The following EFCAB6 variants were observed in gnomAD, a reference collection of about 807,000 sequenced individuals.
The protein encoded by EFCAB6 is EF-hand calcium binding domain 6.
Under a neutral mutation model 169.8 loss-of-function variants are expected in EFCAB6, and 156 were observed. The observed-to-expected ratio is 0.92, with a 90% CI of 0.81 to 1.05. The LOEUF (loss-of-function observed/expected upper bound fraction) is 1.05, where lower values mean the gene tolerates loss of function less well. Among genes scored for constraint, EFCAB6 ranks in the 50% least tolerant of loss-of-function variants. The pLI is 0.00. For synonymous variants in EFCAB6, 698 were observed against 676.4 expected (o/e 1.03, Z -0.50); for missense variants, 1,800 against 1,829.1 (o/e 0.98, Z 0.29).
intron 17 of EFCAB6, among the ~76,000 whole-genome samples, chr22:43,643,477 G>A (rs149043551): frequency 1.5e-3 from 228 of 152,368 alleles, no homozygotes; most frequent in African/African-American, 5.2e-3. Flanking sequence ...GCAATAAGGA[G>A]CCACTCAGGT....
Position 43,765,415 on chromosome 22 carries a change from G to T in EFCAB6, c.352-22C>A. 1.9e-6 allele frequency: 3 copies of T among 1,576,400 alleles called. No homozygotes were observed. In the South Asian group the frequency reaches 3.3e-5, roughly 18 times the overall value. Reference sequence around the variant, plus strand: ...GGATCTACAGTCAAGGGAGAAGAATGACAACATGTTAGAGAATTAAGATCC... The same window carrying T: ...GGATCTACAGTCAAGGGAGAAGAATTACAACATGTTAGAGAATTAAGATCC... On this transcript the variant is annotated intron_variant, in intron 4 of 31. Transcript: ENST00000262726.
At chr22:43,600,650 T>C (rs1050228530) in intron 22 of EFCAB6, among the ~76,000 whole-genome samples, 1 of 37,236 alleles carries the variant, frequency 2.7e-5, no homozygotes, top group African/African-American at 1.2e-4. Flanking sequence ...TTAGCAGGGT[T>C]TTTTTTTTGT....
intron 17 of EFCAB6, among the ~76,000 whole-genome samples, chr22:43,653,704 G>C (rs931284382): frequency 9.2e-5 from 14 of 152,174 alleles, no homozygotes; most frequent in African/African-American, 3.4e-4. Flanking sequence ...ATACCTAAGT[G>C]GTAATTTTGA....
At chr22:43,762,910 C>A (rs1209193561) in intron 5 of EFCAB6, among the ~76,000 whole-genome samples, 1 of 152,186 alleles carries the variant, frequency 6.6e-6, no homozygotes, top group Non-Finnish European at 1.5e-5. Context: ...GCTTACAAGA[C>A]AAACTGTCAT....
At chr22:43,632,440 T>C (rs137727) in intron 18 of EFCAB6, among the ~76,000 whole-genome samples, 16,424 of 150,984 alleles carry the variant, frequency 0.11, 961 homozygotes, top group Non-Finnish European at 0.12. Flanking sequence ...GCTGGGATTA[T>C]AGGTGTCTGC....
At chr22:43,598,756 C>T (rs2052251419) in intron 23 of EFCAB6, among the ~76,000 whole-genome samples, 1 of 152,032 alleles carries the variant, frequency 6.6e-6, no homozygotes, top group Admixed American at 6.6e-5. Context: ...CTCATGTAAC[C>T]ATAAATATAT....
In EFCAB6 at chr22:43,628,958, T is replaced by C. The variant is rs1201515128; in HGVS notation, c.2233-2279A>G. Among the ~76,000 whole-genome samples, 2 of 152,220 alleles carry C rather than the reference T, an allele frequency of 1.3e-5. No homozygotes were observed. The highest frequency in any genetic ancestry group is 2.9e-5 in the Non-Finnish European group (2 of 68,040). On this transcript the variant is annotated intron_variant, in intron 19 of 31. Transcript: ENST00000262726. The surrounding 1 kb of genome is among the most constrained non-coding windows in gnomAD (Gnocchi z 4.8). ...CATAACGTCTGTGAGATGGGGCTGCTGGACATGAAGGAGCAGCATTTCCTA... is the reference window on the plus strand; with the variant it reads ...CATAACGTCTGTGAGATGGGGCTGCCGGACATGAAGGAGCAGCATTTCCTA...
chr22:43,570,780 A>C (rs1466876317), intron 26 of EFCAB6, among the ~76,000 whole-genome samples: 2 of 152,088 alleles, frequency 1.3e-5, no homozygotes, highest in African/African-American at 4.8e-5. Context: ...GTCTGAAAAG[A>C]CACACGTCGC....
intron 8 of EFCAB6, among the ~76,000 whole-genome samples, chr22:43,723,844 G>A (rs574989384): frequency 1.3e-5 from 2 of 152,336 alleles, no homozygotes; most frequent in African/African-American, 4.8e-5. Flanking sequence ...CCGGAATGTG[G>A]GGGCAGAGTC....
chr22:43,545,664 A>G (rs1195616028), intron 27 of EFCAB6, among the ~76,000 whole-genome samples: 1 of 152,182 alleles, frequency 6.6e-6, no homozygotes, highest in Admixed American at 6.5e-5. Context: ...CTGTATCTTC[A>G]GTGCAAGGCT....
chr22:43,807,887 T>A (rs1327757805), intron 2 of EFCAB6, among the ~76,000 whole-genome samples: 1 of 152,218 alleles, frequency 6.6e-6, no homozygotes, highest in African/African-American at 2.4e-5. Context: ...TTACTGAGCA[T>A]CTACATTCTT....
intron 30 of EFCAB6, among the ~76,000 whole-genome samples, chr22:43,531,837 C>T (rs1328636248): frequency 6.6e-6 from 1 of 152,196 alleles, no homozygotes. Context: ...GACCACCAGC[C>T]CGGCCAGAGC....
intron 27 of EFCAB6, among the ~76,000 whole-genome samples, chr22:43,547,003 C>G (rs529678499): frequency 1.3e-5 from 2 of 152,192 alleles, no homozygotes; most frequent in East Asian, 3.9e-4. Context: ...AAAGGAAATA[C>G]TTCACGGAGA....
chr22:43,534,654 C>T (rs1341714329), intron 30 of EFCAB6, 34 bp downstream of exon 30: 3 of 1,565,244 alleles, frequency 1.9e-6, no homozygotes, highest in Non-Finnish European at 2.6e-6. Context: ...CCCTTTCCAC[C>T]TGGCCCCACA....
intron 24 of EFCAB6, among the ~76,000 whole-genome samples, chr22:43,581,540 G>A (rs191102232): frequency 1.3e-5 from 2 of 152,304 alleles, no homozygotes; most frequent in Admixed American, 1.3e-4. Flanking sequence ...ATCTATTAAA[G>A]ATGCAAAATA....
intron 23 of EFCAB6, among the ~76,000 whole-genome samples, chr22:43,596,763 A>T (rs1014150878): frequency 6.6e-6 from 1 of 152,194 alleles, no homozygotes; most frequent in African/African-American, 2.4e-5. Context: ...TAAAACTCAT[A>T]TGGAACCACA....
chr22:43,590,424 A>G (rs957034604), intron 23 of EFCAB6, among the ~76,000 whole-genome samples, 195 bp from the exon 24 acceptor site: 3 of 152,080 alleles, frequency 2.0e-5, no homozygotes, highest in Admixed American at 6.6e-5. Flanking sequence ...TATCATTATC[A>G]TTTTCTTATT....
chr22:43,637,970 T>C (rs998830410), intron 17 of EFCAB6, among the ~76,000 whole-genome samples: 4 of 152,202 alleles, frequency 2.6e-5, no homozygotes, highest in African/African-American at 9.7e-5. Flanking sequence ...AGGCAAATGT[T>C]CCCCAGCCTA....
At chr22:43,659,561 G>T (rs2056907318) in intron 17 of EFCAB6, among the ~76,000 whole-genome samples, 1 of 152,062 alleles carries the variant, frequency 6.6e-6, no homozygotes, top group Non-Finnish European at 1.5e-5. Flanking sequence ...TCAGGAGGGT[G>T]AGGTGGCAGG....
Sources: allele counts gnomAD v4.1 joint callset (sites outside exome capture counted in the v4.1 genomes callset), GRCh38; gene constraint gnomAD v4.1.1; non-coding constraint Gnocchi (gnomAD v3.1); transcripts MANE v1.5; gene names NCBI Gene and HGNC (gene_info 2026-07-23, HGNC 2026-07-21).